The following AP1M1 variants were observed in gnomAD, a reference collection of about 807,000 sequenced individuals.
The protein encoded by AP1M1 is adaptor related protein complex 1 subunit mu 1, also known as AP-1 complex subunit mu-1.
AP1M1 carries 18 observed loss-of-function variants against 57.1 expected under a neutral mutation model. The ratio of observed to expected loss-of-function variants is 0.32; its 90% CI spans 0.22 to 0.47. The LOEUF (loss-of-function observed/expected upper bound fraction) is 0.47, where lower values mean the gene tolerates loss of function less well. Ranked by LOEUF, AP1M1 falls within the 20% of genes least tolerant of loss-of-function variation. The pLI is 1.00. For synonymous variants in AP1M1, 241 were observed against 237.9 expected, an observed-to-expected ratio of 1.01 and a Z score of -0.12; for missense variants, 362 against 593.5, an observed-to-expected ratio of 0.61 and a Z score of 4.05.
At position 16,240,606 on chromosome 19, in the gene AP1M1, CG is replaced by C. The variant is rs1187616795; in HGVS notation, c.*6172del. The C allele has an allele frequency of 1.3e-5, 2 of 152,020 alleles. No individual in the cohort carries two copies. Among genetic ancestry groups the C allele is most frequent in the Admixed American group, 6.6e-5 (1 of 15,232 alleles). The allele number at this position is 152,020 out of a possible 1,614,324, so 9.4% of individuals were successfully genotyped here. ...CTGGGATTACAGGTGCACACCACCA[CG>C]CCCGGCTAATTTTTGTATTTTTTGT... On this transcript the variant is annotated 3_prime_UTR_variant, in exon 12 of 12. Coordinates refer to ENST00000291439, the MANE Select transcript of AP1M1 (RefSeq NM_032493.4).
In AP1M1 at chr19:16,210,452, C is replaced by T. The variant is rs113267928; in HGVS notation, c.546+1275C>T. The T allele has an allele frequency of 3.8e-5, 27 of 713,574 alleles. 1 individual carries two copies. Among genetic ancestry groups the T allele is most frequent in the African/African-American group, 1.2e-4 (7 of 57,318 alleles). 44.2% of individuals were successfully genotyped at this position (713,574 alleles called of 1,614,324 possible). On this transcript the variant is annotated intron_variant, in intron 5 of 11. Transcript: ENST00000291439. ...CCAAACCATTGCTGTTTTGCATTCT[C>T]GCCAGCAACAGATGAGGGTTGTGAT...
intron 2 of AP1M1, among the ~76,000 whole-genome samples, chr19:16,204,477 C>T (rs912029673): frequency 5.9e-5 from 9 of 152,350 alleles, no homozygotes; most frequent in East Asian, 1.9e-4. Context: ...GTGGGAACAA[C>T]GACCCCTCAC....
intron 5 of AP1M1, among the ~76,000 whole-genome samples, chr19:16,223,301 C>T (rs966425309): frequency 6.6e-6 from 1 of 152,138 alleles, no homozygotes; most frequent in Admixed American, 6.6e-5. Context: ...CAAACTCTTT[C>T]GTAAGTCAAA....
intron 9 of AP1M1, among the ~76,000 whole-genome samples, 197 bp downstream of exon 9, chr19:16,229,125 C>T (rs1476433871): frequency 1.3e-5 from 2 of 152,210 alleles, no homozygotes; most frequent in African/African-American, 4.8e-5. Context: ...GCCCCTGGGC[C>T]CCTTTCTGCC....
chr19:16,231,011 A>G (rs1193718030), intron 9 of AP1M1, among the ~76,000 whole-genome samples: 10 of 152,184 alleles, frequency 6.6e-5, no homozygotes, highest in African/African-American at 1.7e-4. Flanking sequence ...AGAGAGGGCC[A>G]GGCGCTGTGG....
chr19:16,221,572 T>C (rs1385017250), intron 5 of AP1M1, among the ~76,000 whole-genome samples: 1 of 152,216 alleles, frequency 6.6e-6, no homozygotes, highest in Non-Finnish European at 1.5e-5. Context: ...CTCATTCCCT[T>C]ATATCTAACA....
rs2091476065 is a variant in AP1M1 at position 16,207,906 on chromosome 19, G to A, written c.268-113G>A. ...AGCACACCACCGAGCCTGGGAAGTA[G>A]GCTGTTGGTAGGACTTAGCGGGCAA... On this transcript the variant is annotated intron_variant, in intron 3 of 11. Coordinates refer to ENST00000291439, the MANE Select transcript of AP1M1 (RefSeq NM_032493.4). The surrounding 1 kb of genome is among the most constrained non-coding windows in gnomAD (Gnocchi z 4.2). The A allele has an allele frequency of 7.3e-7, 1 of 1,369,902 alleles. No individual in the cohort carries two copies. The highest frequency in any genetic ancestry group is 1.3e-5 in the South Asian group (1 of 74,634). 84.9% of individuals were successfully genotyped at this position (1,369,902 alleles called of 1,614,324 possible).
intron 5 of AP1M1, among the ~76,000 whole-genome samples, chr19:16,209,619 G>GAA (rs11305393): frequency 2.0e-5 from 3 of 146,798 alleles, no homozygotes; most frequent in African/African-American, 7.7e-5. Flanking sequence ...ACCATGCACA[G>GAA]AAAAAAAAAA....
At chr19:16,221,109 T>G (rs1440228663) in intron 5 of AP1M1, among the ~76,000 whole-genome samples, 2 of 152,228 alleles carry the variant, frequency 1.3e-5, no homozygotes, top group African/African-American at 4.8e-5. Context: ...TTTCCTAAAA[T>G]ATGGTTTTTT....
chr19:16,224,774 C>T (rs73519771), intron 5 of AP1M1, among the ~76,000 whole-genome samples: 74 of 152,260 alleles, frequency 4.9e-4, no homozygotes, highest in African/African-American at 1.6e-3. Flanking sequence ...AATTAGGGGC[C>T]GTCACAGTGG....
intron 5 of AP1M1, among the ~76,000 whole-genome samples, chr19:16,213,528 T>C (rs1428722000): frequency 1.3e-5 from 2 of 152,118 alleles, no homozygotes; most frequent in South Asian, 2.1e-4. Context: ...AGAGTCTTGC[T>C]GTGTTGCCCA....
Position 16,235,510 on chromosome 19 carries a change from A to G in AP1M1, c.*1075A>G, listed in dbSNP as rs1046288200. ...AGCAGCTGCGGGAAGAGGCAGCTGC[A>G]GTGCTGGACCATGGGCCACCACTCC... On this transcript the variant is annotated 3_prime_UTR_variant, in exon 12 of 12. Transcript: ENST00000291439. 2.6e-5 allele frequency: 4 copies of G among 152,206 alleles called. No homozygotes were observed. The highest frequency in any genetic ancestry group is 1.3e-4 in the Admixed American group (2 of 15,290). 9.4% of individuals were successfully genotyped at this position (152,206 alleles called of 1,614,324 possible).
In AP1M1 at chr19:16,237,829, G is replaced by T. The variant is rs937168595; in HGVS notation, c.*3394G>T. 2.0e-5 allele frequency: 3 copies of T among 151,924 alleles called. No homozygotes were observed. The highest frequency in any genetic ancestry group is 2.9e-5 in the Non-Finnish European group (2 of 68,006). The allele number at this position is 151,924 out of a possible 1,614,324, so 9.4% of individuals were successfully genotyped here. ...CACAGTTAGATGCTATTTGCATCAT[G>T]TCGGCCCCCCCCAAAAAAATTTTTT... On this transcript the variant is annotated 3_prime_UTR_variant, in exon 12 of 12. Transcript: ENST00000291439.
rs1383015886 is a variant in AP1M1, at chr19:16,235,678, CCT to C, written c.*1244_*1245del. ...GGTCCTTGTGTCCACAGCAGCATCC[CCT>C]GTGTCCTAGCTAGAAATGCAGGTTC... is the stretch of plus-strand genomic sequence containing the variant. On this transcript the variant is annotated 3_prime_UTR_variant, in exon 12 of 12. Transcript: ENST00000291439. 2 of 152,292 alleles carry C rather than the reference CCT, an allele frequency of 1.3e-5. No individual in the cohort carries two copies. Among genetic ancestry groups the C allele is most frequent in the African/African-American group, 4.8e-5 (2 of 41,462 alleles). 9.4% of individuals were successfully genotyped at this position (152,292 alleles called of 1,614,324 possible). A position where few individuals can be genotyped will look rare whatever the true frequency, so the allele number is the denominator to read the frequency against.
At position 16,228,021 on chromosome 19, in the gene AP1M1, G is replaced by A. The variant is rs2091578769; in HGVS notation, c.817-116G>A. On this transcript the variant is annotated intron_variant, in intron 7 of 11. Coordinates refer to ENST00000291439, the MANE Select transcript of AP1M1 (RefSeq NM_032493.4). The surrounding 1 kb of genome is among the most constrained non-coding windows in gnomAD (Gnocchi z 5.0). The stretch of plus-strand genomic sequence containing the variant: ...ACGCTGGCTGTACGCTCCCTGCAGG[G>A]CTCTGGGCCCACACCTGGGCAGATG... 2.7e-6 allele frequency: 3 copies of A among 1,115,176 alleles called. No individual in the cohort carries two copies. The highest frequency in any genetic ancestry group is 4.0e-6 in the Non-Finnish European group (3 of 758,818). The allele number at this position is 1,115,176 out of a possible 1,614,324, so 69.1% of individuals were successfully genotyped here.
intron 2 of AP1M1, among the ~76,000 whole-genome samples, chr19:16,204,123 T>G (rs1599452178): frequency 1.4e-5 from 2 of 147,096 alleles, no homozygotes; most frequent in African/African-American, 2.5e-5. Flanking sequence ...GGCTGCTGAG[T>G]GGGGCAAGAC....
chr19:16,244,443 G>A lies in AP1M1; in HGVS notation c.*10008G>A, dbSNP rs1173818524. 3 of 152,122 alleles carry A rather than the reference G, an allele frequency of 2.0e-5. No individual in the cohort carries two copies. Among genetic ancestry groups the A allele is most frequent in the Non-Finnish European group, 4.4e-5 (3 of 68,028 alleles). The allele number at this position is 152,122 out of a possible 1,614,324, so 9.4% of individuals were successfully genotyped here. A position where few individuals can be genotyped will look rare whatever the true frequency, so the allele number is the denominator to read the frequency against. ...AGTAGAAAATACATGAGAAAATCTA[G>A]ACAAAGATTGCATAAACAGTTTCTG... On this transcript the variant is annotated 3_prime_UTR_variant, in exon 12 of 12. Coordinates refer to ENST00000291439, the MANE Select transcript of AP1M1 (RefSeq NM_032493.4).
At chr19:16,231,382 T>C (rs936834508) in intron 9 of AP1M1, among the ~76,000 whole-genome samples, 23 of 151,026 alleles carry the variant, frequency 1.5e-4, no homozygotes, top group Admixed American at 1.5e-3. Flanking sequence ...GATTGCTCCA[T>C]ACTAAAAGTT....
In AP1M1 at chr19:16,227,701, C is replaced by A; in HGVS notation, c.816+11C>A. The A allele has an allele frequency of 6.2e-7, 1 of 1,611,202 alleles. No individual in the cohort carries two copies. Among genetic ancestry groups the A allele is most frequent in the Non-Finnish European group, 8.5e-7 (1 of 1,178,018 alleles). The stretch of plus-strand genomic sequence containing the variant: ...CGTCTCAACACCCACGTGAGTGCGC[C>A]ACCCTGGGGCTGGGCTGTCGGCAGA... On this transcript the variant is annotated intron_variant, in intron 7 of 11. Transcript: ENST00000291439. This position sits in a 1 kb window ranked among gnomAD's most constrained non-coding sequence, Gnocchi z 6.2.
Sources: gnomAD v4.1 joint callset for allele counts (sites outside exome capture counted in the v4.1 genomes callset) on GRCh38, gnomAD v4.1.1 for gene constraint, Gnocchi (gnomAD v3.1) non-coding constraint, MANE v1.5 for transcripts, NCBI Gene and HGNC (gene_info 2026-07-23, HGNC 2026-07-21) for gene names.